The following KPNA6 variants were observed in gnomAD, a reference collection of about 807,000 sequenced individuals.
KPNA6 encodes importin subunit alpha-7.
A neutral mutation model predicts 72.0 loss-of-function variants in KPNA6; 9 were observed. That is an observed-to-expected ratio of 0.13 (90% CI 0.08 to 0.22). The LOEUF (loss-of-function observed/expected upper bound fraction) is 0.22, where lower values mean the gene tolerates loss of function less well. KPNA6 is among the 10% of genes least tolerant of loss of function. The pLI is 1.00. For missense variants in KPNA6, 374 were observed against 655.7 expected (o/e 0.57, Z 4.69); for synonymous variants, 219 against 242.1 (o/e 0.90, Z 0.89).
intron 9 of KPNA6, 92 bp downstream of exon 9, chr1:32,162,616 C>G: frequency 7.1e-7 from 1 of 1,399,020 alleles, no homozygotes; most frequent in Non-Finnish European, 1.0e-6. Flanking sequence ...GTGGGCGGAT[C>G]ACAAGGTCAG....
chr1:32,134,594 T>C (rs1641699846), intron 1 of KPNA6, among the ~76,000 whole-genome samples: 1 of 148,832 alleles, frequency 6.7e-6, no homozygotes, highest in Non-Finnish European at 1.5e-5. Flanking sequence ...GCTGAGACCA[T>C]GCCACTGCAC....
rs1470105175 is a variant in KPNA6 at position 32,119,024 on chromosome 1, ATATATATATT to A, written c.4+10892_4+10901del. Among the ~76,000 whole-genome samples the A allele has an allele frequency of 5.1e-4, 38 of 74,310 alleles. 1 individual carries two copies. Among genetic ancestry groups the A allele is most frequent in the Admixed American group, 2.0e-3 (12 of 5,934 alleles). 48.8% of individuals were successfully genotyped at this position (74,310 alleles called of 152,430 possible). On this transcript the variant is annotated intron_variant, in intron 1 of 13. Transcript: ENST00000373625. ...TATATATATATATATATATATATAT[ATATATATATT>A]TTTTTTTTTTTTTTTGAGAGAGAGT...
intron 1 of KPNA6, among the ~76,000 whole-genome samples, chr1:32,125,638 T>G (rs1641518157): frequency 6.8e-6 from 1 of 148,086 alleles, no homozygotes; most frequent in Non-Finnish European, 1.5e-5. Context: ...TACGCACCAT[T>G]CTAACGTCTT....
chr1:32,116,189 C>T (rs1192894432), intron 1 of KPNA6, among the ~76,000 whole-genome samples: 16 of 141,406 alleles, frequency 1.1e-4, no homozygotes, highest in African/African-American at 3.9e-4. Flanking sequence ...CTTTTCTTTT[C>T]TTTTTTTTTT....
At chr1:32,167,992 T>C (rs1490686983) in intron 12 of KPNA6, among the ~76,000 whole-genome samples, 2 of 152,092 alleles carry the variant, frequency 1.3e-5, no homozygotes, top group Non-Finnish European at 2.9e-5. Context: ...ATAGGGACTT[T>C]GTCTCATGTG....
In KPNA6 at chr1:32,158,380, G is replaced by A. The variant is rs1313281042; in HGVS notation, c.426+19G>A. The A allele has an allele frequency of 2.0e-6, 3 of 1,535,348 alleles. No homozygotes were observed. In the Admixed American group the frequency reaches 5.2e-5, roughly 26 times the overall value. The stretch of plus-strand genomic sequence containing the variant: ...ATTACAGGTGAGGCCTGAAGGGAAG[G>A]GGTTTGTTTTGTCTTTTAATTTTTG... On this transcript the variant is annotated intron_variant, in intron 5 of 13. Transcript: ENST00000373625.
intron 1 of KPNA6, among the ~76,000 whole-genome samples, chr1:32,137,665 C>T (rs1641758225): frequency 6.6e-6 from 1 of 152,094 alleles, no homozygotes; most frequent in South Asian, 2.1e-4. Flanking sequence ...TTCTTGTTCT[C>T]AAAGATTTAA....
chr1:32,112,310 T>A (rs890418009), intron 1 of KPNA6, among the ~76,000 whole-genome samples: 8 of 152,196 alleles, frequency 5.3e-5, no homozygotes, highest in Non-Finnish European at 1.2e-4. Context: ...GGTACTCTTC[T>A]AAGTAGAGGC....
chr1:32,156,617 C>T (rs180953606), intron 2 of KPNA6, among the ~76,000 whole-genome samples: 10 of 152,346 alleles, frequency 6.6e-5, no homozygotes, highest in Admixed American at 6.5e-4. Context: ...CAATTTAAAA[C>T]TTATGAATTG....
In KPNA6 at chr1:32,111,888, AC is replaced by A. The variant is rs1372978328; in HGVS notation, c.4+3757del. On this transcript the variant is annotated intron_variant, in intron 1 of 13. Coordinates refer to ENST00000373625, the MANE Select transcript of KPNA6 (RefSeq NM_012316.5). ...TAGCTCTGGAGATTGCTTTATTCTG[AC>A]CCTCTAGCAGAGACTACAACCTCAT... Among the ~76,000 whole-genome samples, 3 of 152,194 alleles carry A rather than the reference AC, an allele frequency of 2.0e-5. No individual in the cohort carries two copies. The East Asian group carries it at 5.8e-4, about 29-fold the overall frequency.
intron 3 of KPNA6, 91 bp downstream of exon 3, chr1:32,157,036 C>A: frequency 2.2e-6 from 2 of 891,662 alleles, no homozygotes; most frequent in Non-Finnish European, 3.6e-6. Context: ...ACCAGCTTTG[C>A]CAGTAACCAT....
chr1:32,120,903 CTG>C (rs1641421982), intron 1 of KPNA6, among the ~76,000 whole-genome samples: 1 of 147,612 alleles, frequency 6.8e-6, no homozygotes, highest in Non-Finnish European at 1.5e-5. Flanking sequence ...GAGTCTTGCT[CTG>C]TCACCCAGGC....
chr1:32,120,828 A>T (rs1256229371), intron 1 of KPNA6, among the ~76,000 whole-genome samples: 1 of 148,248 alleles, frequency 6.7e-6, no homozygotes, highest in Non-Finnish European at 1.5e-5. Context: ...TTGGCCTCCC[A>T]CAGTAGTGCT....
chr1:32,114,846 C>A (rs1194328479), intron 1 of KPNA6, among the ~76,000 whole-genome samples: 3 of 152,128 alleles, frequency 2.0e-5, no homozygotes, highest in Non-Finnish European at 4.4e-5. Context: ...GCTGCTTCAC[C>A]TTGCACTTTT....
intron 12 of KPNA6, among the ~76,000 whole-genome samples, chr1:32,169,175 C>CTGGACAACATAATGAGACTT (rs532207659): frequency 6.6e-6 from 1 of 151,926 alleles, no homozygotes; most frequent in East Asian, 2.0e-4. Flanking sequence ...TGAGACCAGC[C>CTGGACAACATAATGAGACTT]TGGACAACAT....
At chr1:32,169,633 T>C (rs1642401155) in intron 12 of KPNA6, among the ~76,000 whole-genome samples, 1 of 147,028 alleles carries the variant, frequency 6.8e-6, no homozygotes, top group Non-Finnish European at 1.5e-5. Flanking sequence ...TTTTTTTGTA[T>C]TTTTTTTTAG....
At chr1:32,149,634 T>G (rs1453212300) in intron 1 of KPNA6, among the ~76,000 whole-genome samples, 1 of 152,204 alleles carries the variant, frequency 6.6e-6, no homozygotes, top group East Asian at 1.9e-4. Flanking sequence ...AAAAAAGTTA[T>G]TTTATGTTTA....
chr1:32,124,005 G>A (rs1641484629), intron 1 of KPNA6, among the ~76,000 whole-genome samples: 2 of 134,878 alleles, frequency 1.5e-5, no homozygotes, highest in Admixed American at 1.6e-4. Flanking sequence ...CTGCACTCCT[G>A]CCTGGCGACA....
At chr1:32,115,126 C>T (rs989535538) in intron 1 of KPNA6, among the ~76,000 whole-genome samples, 1 of 151,902 alleles carries the variant, frequency 6.6e-6, no homozygotes, top group Non-Finnish European at 1.5e-5. Flanking sequence ...AGGCATGAGC[C>T]ACCACACCCG....
Sources: gnomAD v4.1 joint callset for allele counts (sites outside exome capture counted in the v4.1 genomes callset) on GRCh38, gnomAD v4.1.1 for gene constraint, MANE v1.5 for transcripts, NCBI Gene and HGNC (gene_info 2026-07-23, HGNC 2026-07-21) for gene names.